Variants in PRKN observed in about 807,000 individuals in gnomAD.
The protein encoded by PRKN is E3 ubiquitin-protein ligase parkin.
PRKN carries 56 observed loss-of-function variants against 59.5 expected under a neutral mutation model. That is an observed-to-expected ratio of 0.94 (90% CI 0.76 to 1.18). The LOEUF (loss-of-function observed/expected upper bound fraction) is 1.18. Among genes scored for constraint, PRKN ranks in the 50% most tolerant of loss-of-function variants. PRKN has a pLI of 0.00. For synonymous variants in PRKN, 250 were observed against 222.1 expected, an observed-to-expected ratio of 1.13 and a Z score of -1.12; for missense variants, 657 against 596.4, an observed-to-expected ratio of 1.10 and a Z score of -1.06.
At chr6:161,654,878 C>G (rs1582953499) in intron 7 of PRKN, among the ~76,000 whole-genome samples, 1 of 152,322 alleles carries the variant, frequency 6.6e-6, no homozygotes, top group African/African-American at 2.4e-5. Flanking sequence ...GGATGGCCCA[C>G]TCTAGGAGTG....
chr6:161,523,914 G>C (rs934547446), intron 9 of PRKN, among the ~76,000 whole-genome samples: 1 of 152,226 alleles, frequency 6.6e-6, no homozygotes, highest in Admixed American at 6.5e-5. Context: ...GACCAGAGGA[G>C]AGCCTCTCAG....
intron 5 of PRKN, among the ~76,000 whole-genome samples, chr6:161,989,315 G>A (rs999652142): frequency 2.6e-5 from 4 of 152,138 alleles, no homozygotes; most frequent in Admixed American, 6.5e-5. Flanking sequence ...AGCCTTACCC[G>A]TTACAGCTGG....
chr6:162,578,950 A>G (rs748398686), intron 1 of PRKN, among the ~76,000 whole-genome samples: 6 of 152,362 alleles, frequency 3.9e-5, no homozygotes, highest in Admixed American at 6.5e-5. Context: ...CTTAAACACC[A>G]TAAGACAGAA....
rs1779752735 is a variant in PRKN, at chr6:161,545,200, A to G, written c.1083+3654T>C. 2 of 1,367,790 alleles carry G rather than the reference A, an allele frequency of 1.5e-6. No individual in the cohort carries two copies. The highest frequency in any genetic ancestry group is 1.5e-5 in the African/African-American group (1 of 67,920). 84.7% of individuals were successfully genotyped at this position (1,367,790 alleles called of 1,614,324 possible). A position where few individuals can be genotyped will look rare whatever the true frequency, so the allele number is the denominator to read the frequency against. On this transcript the variant is annotated intron_variant, in intron 9 of 11. Transcript: ENST00000366898. The surrounding 1 kb of genome is among the most constrained non-coding windows in gnomAD (Gnocchi z 4.1). Reference sequence around the variant, plus strand: ...ACATGGTAAGAGTTGTACTTTTTCTATCTTGATAATTGAGGGAAAAAAAAA... The same window carrying G: ...ACATGGTAAGAGTTGTACTTTTTCTGTCTTGATAATTGAGGGAAAAAAAAA...
intron 7 of PRKN, among the ~76,000 whole-genome samples, chr6:161,720,651 GTT>G (rs1787180127): frequency 1.3e-5 from 2 of 152,224 alleles, no homozygotes; most frequent in South Asian, 4.2e-4. Flanking sequence ...TAAATGTACA[GTT>G]TCCTAACCAG....
Position 161,476,577 on chromosome 6 carries a change from C to T in PRKN, c.1083+72277G>A, listed in dbSNP as rs997068197. ...AGCTTAAGATGTTATTGAGAGTTCC[C>T]CACTGTTGATGATGGTGATTAAAAA... On this transcript the variant is annotated intron_variant, in intron 9 of 11. Transcript: ENST00000366898. 2.0e-5 allele frequency among the ~76,000 whole-genome samples: 3 copies of T among 152,102 alleles called. No individual in the cohort carries two copies. The East Asian group carries it at 5.8e-4, about 29-fold the overall frequency.
intron 5 of PRKN, among the ~76,000 whole-genome samples, chr6:162,021,811 C>A (rs1783215193): frequency 6.6e-6 from 1 of 152,038 alleles, no homozygotes; most frequent in Admixed American, 6.5e-5. Context: ...GAACATAGTG[C>A]CCAATAGGTA....
intron 1 of PRKN, among the ~76,000 whole-genome samples, chr6:162,625,415 G>A (rs1262151276): frequency 6.6e-6 from 1 of 152,170 alleles, no homozygotes; most frequent in Admixed American, 6.5e-5. Context: ...ATGGGGATGG[G>A]TGATGCTGAA....
At chr6:162,359,768 T>C (rs1229755224) in intron 2 of PRKN, among the ~76,000 whole-genome samples, 6 of 152,082 alleles carry the variant, frequency 3.9e-5, no homozygotes, top group Non-Finnish European at 7.4e-5. Flanking sequence ...GAATAGACGT[T>C]TGCCTCTTAA....
At chr6:162,016,449 G>T (rs1266220265) in intron 5 of PRKN, among the ~76,000 whole-genome samples, 1 of 152,070 alleles carries the variant, frequency 6.6e-6, no homozygotes, top group Non-Finnish European at 1.5e-5. Context: ...TTGATAGGTG[G>T]AAAGTGCACA....
Position 162,299,838 on chromosome 6 carries a change from TGTAAA to T in PRKN, c.172-37078_172-37074del, listed in dbSNP as rs151088511. Among the ~76,000 whole-genome samples, 1,190 of 152,210 alleles carry T rather than the reference TGTAAA, an allele frequency of 7.8e-3. 8 individuals are homozygous for T. Among genetic ancestry groups the T allele is most frequent in the Non-Finnish European group, 0.013 (899 of 68,008 alleles). On this transcript the variant is annotated intron_variant, in intron 2 of 11. Transcript: ENST00000366898. Reference sequence around the variant, plus strand: ...TAACAAATAACTAATTACACATAATTGTAAAGTAAAGTAAAGCTAGACCAAAATGA... The same window carrying T: ...TAACAAATAACTAATTACACATAATTGTAAAGTAAAGCTAGACCAAAATGA...
At chr6:161,979,350 G>A (rs541384860) in intron 5 of PRKN, among the ~76,000 whole-genome samples, 1 of 152,232 alleles carries the variant, frequency 6.6e-6, no homozygotes, top group African/African-American at 2.4e-5. Context: ...TTGGCTTACT[G>A]CAACCTACGC....
At chr6:162,391,002 T>G (rs750118234) in intron 2 of PRKN, among the ~76,000 whole-genome samples, 14 of 152,190 alleles carry the variant, frequency 9.2e-5, no homozygotes, top group Non-Finnish European at 1.6e-4. Flanking sequence ...TGAATTTTCT[T>G]TAGTCCTAGA....
At chr6:161,693,458 A>G (rs977406025) in intron 7 of PRKN, among the ~76,000 whole-genome samples, 6 of 152,178 alleles carry the variant, frequency 3.9e-5, no homozygotes, top group African/African-American at 7.2e-5. Context: ...CACTTTTTTT[A>G]TATTCAATTC....
At chr6:162,103,329 T>C (rs548972661) in intron 4 of PRKN, among the ~76,000 whole-genome samples, 48 of 152,284 alleles carry the variant, frequency 3.2e-4, no homozygotes, top group African/African-American at 1.1e-3. Context: ...ATCCAAATAA[T>C]ATCCCATCAT....
At position 161,447,475 on chromosome 6, in the gene PRKN, A is replaced by G. The variant is rs1789545988; in HGVS notation, c.1084-60598T>C. Among the ~76,000 whole-genome samples the G allele has an allele frequency of 6.6e-6, 1 of 152,190 alleles. No individual in the cohort carries two copies. The highest frequency in any genetic ancestry group is 2.4e-5 in the African/African-American group (1 of 41,448). ...AAGACAAGTTGGAGAATAATCTCCCATATTCCTCTGCCATCCTTTCTTTCC... is the reference window on the plus strand; with the variant it reads ...AAGACAAGTTGGAGAATAATCTCCCGTATTCCTCTGCCATCCTTTCTTTCC... On this transcript the variant is annotated intron_variant, in intron 9 of 11. Transcript: ENST00000366898. This position sits in a 1 kb window ranked among gnomAD's most constrained non-coding sequence, Gnocchi z 4.1.
At chr6:162,680,062 A>G (rs918886084) in intron 1 of PRKN, among the ~76,000 whole-genome samples, 1 of 151,982 alleles carries the variant, frequency 6.6e-6, no homozygotes, top group Non-Finnish European at 1.5e-5. Context: ...TTTCATTAAA[A>G]TGTTATTTTC....
chr6:161,807,403 A>G (rs1300569038), intron 6 of PRKN, among the ~76,000 whole-genome samples: 4 of 152,226 alleles, frequency 2.6e-5, no homozygotes, highest in Admixed American at 6.5e-5. Context: ...ACACAGGTGC[A>G]TACACACATA....
chr6:162,021,119 C>CATATATAT (rs869269519), intron 5 of PRKN, among the ~76,000 whole-genome samples: 12 of 46,538 alleles, frequency 2.6e-4, no homozygotes, highest in Non-Finnish European at 5.2e-4. Context: ...AAAACAAAAA[C>CATATATAT]ATATATATAT....
Sources: gnomAD v4.1 joint callset for allele counts (sites outside exome capture counted in the v4.1 genomes callset) on GRCh38, gnomAD v4.1.1 for gene constraint, Gnocchi (gnomAD v3.1) non-coding constraint, MANE v1.5 for transcripts, NCBI Gene and HGNC (gene_info 2026-07-23, HGNC 2026-07-21) for gene names.